MIPOL1: variants seen among roughly 807,000 people sequenced by gnomAD.
MIPOL1 encodes the protein mirror-image polydactyly gene 1 protein.
A neutral mutation model predicts 60.9 loss-of-function variants in MIPOL1; 57 were observed. The ratio of observed to expected loss-of-function variants is 0.94; its 90% confidence interval spans 0.76 to 1.17. The LOEUF (loss-of-function observed/expected upper bound fraction) is 1.17, where lower values mean the gene tolerates loss of function less well. MIPOL1 is among the 50% of genes most tolerant of loss of function. MIPOL1 has a pLI of 0.00. For synonymous variants in MIPOL1, 179 were observed against 168.8 expected (o/e 1.06, Z -0.47); for missense variants, 551 against 511.6 (o/e 1.08, Z -0.74).
chr14:37,222,430 T>C (rs1406619901), intron 1 of MIPOL1, among the ~76,000 whole-genome samples: 3 of 151,594 alleles, frequency 2.0e-5, no homozygotes, highest in African/African-American at 7.3e-5. Context: ...TATAGCTCTC[T>C]ATGTTGCCCA....
chr14:37,261,592 A>G (rs531309187), intron 3 of MIPOL1, among the ~76,000 whole-genome samples: 35 of 152,242 alleles, frequency 2.3e-4, no homozygotes, highest in South Asian at 1.0e-3. Flanking sequence ...AAGTTTGAAT[A>G]TGGTCCCAAG....
At chr14:37,352,274 T>C (rs2091462823) in intron 9 of MIPOL1, among the ~76,000 whole-genome samples, 1 of 15,090 alleles carries the variant, frequency 6.6e-5, no homozygotes, top group African/African-American at 2.1e-4. Flanking sequence ...ATCTCTGTTT[T>C]GGTACCAGTA....
intron 11 of MIPOL1, among the ~76,000 whole-genome samples, chr14:37,488,608 A>G (rs535106228): frequency 6.6e-6 from 1 of 151,976 alleles, no homozygotes; most frequent in Non-Finnish European, 1.5e-5. Flanking sequence ...TGCTTCGTAC[A>G]GGAGCTCTTG....
intron 10 of MIPOL1, among the ~76,000 whole-genome samples, chr14:37,387,976 G>A (rs1198554248): frequency 6.6e-6 from 1 of 151,856 alleles, no homozygotes; most frequent in Non-Finnish European, 1.5e-5. Flanking sequence ...AAGCAAAGAT[G>A]TGACTTAAAA....
At chr14:37,237,113 C>T (rs1971611565) in intron 1 of MIPOL1, among the ~76,000 whole-genome samples, 1 of 152,090 alleles carries the variant, frequency 6.6e-6, no homozygotes, top group South Asian at 2.1e-4. Context: ...CTTCCCCAGT[C>T]ATTTCTTGGC....
At chr14:37,326,697 G>C (rs2089195779) in intron 9 of MIPOL1, among the ~76,000 whole-genome samples, 1 of 152,138 alleles carries the variant, frequency 6.6e-6, no homozygotes, top group South Asian at 2.1e-4. Context: ...TTCCATGCCT[G>C]CTATCATGTT....
chr14:37,498,798 G>A (rs1054641265), intron 11 of MIPOL1, among the ~76,000 whole-genome samples: 3 of 151,944 alleles, frequency 2.0e-5, no homozygotes, highest in Admixed American at 6.6e-5. Flanking sequence ...TCTATGGGAC[G>A]CCTTCTCCAA....
At chr14:37,433,442 C>T (rs959064064) in intron 11 of MIPOL1, among the ~76,000 whole-genome samples, 2 of 152,108 alleles carry the variant, frequency 1.3e-5, no homozygotes, top group Non-Finnish European at 2.9e-5. Flanking sequence ...CATTGTTCAA[C>T]TTCCGCTTAT....
chr14:37,199,586 G>T (rs1964893644), intron 1 of MIPOL1, among the ~76,000 whole-genome samples: 1 of 151,700 alleles, frequency 6.6e-6, no homozygotes, highest in South Asian at 2.1e-4. Context: ...GTGCAGTGGC[G>T]CGATCTCGGC....
At chr14:37,327,225 A>G (rs559795944) in intron 9 of MIPOL1, among the ~76,000 whole-genome samples, 2 of 152,204 alleles carry the variant, frequency 1.3e-5, no homozygotes, top group African/African-American at 4.8e-5. Flanking sequence ...GAAGAAATCC[A>G]GGTAAGAAAA....
chr14:37,364,099 G>A (rs975221307), intron 9 of MIPOL1, among the ~76,000 whole-genome samples: 4 of 152,200 alleles, frequency 2.6e-5, no homozygotes, highest in African/African-American at 9.6e-5. Flanking sequence ...CCTGGGTGAG[G>A]TGACGCCCTG....
intron 1 of MIPOL1, among the ~76,000 whole-genome samples, chr14:37,211,679 A>C: frequency 6.6e-6 from 1 of 152,066 alleles, no homozygotes; most frequent in East Asian, 1.9e-4. Context: ...CTAGTGCTAA[A>C]CTAGGCCCAG....
chr14:37,258,178 A>C (rs1277252558), intron 3 of MIPOL1, among the ~76,000 whole-genome samples: 2 of 152,144 alleles, frequency 1.3e-5, no homozygotes, highest in Admixed American at 6.6e-5. Flanking sequence ...TTTGTTTTCC[A>C]AATCTAAATA....
chr14:37,302,546 T>G (rs1452519591), intron 7 of MIPOL1, among the ~76,000 whole-genome samples: 1 of 151,692 alleles, frequency 6.6e-6, no homozygotes, highest in Non-Finnish European at 1.5e-5. Context: ...CTAGTTGATG[T>G]CTTGTTTTTT....
chr14:37,432,198 G>A (rs561699619), intron 11 of MIPOL1, among the ~76,000 whole-genome samples: 15 of 152,190 alleles, frequency 9.9e-5, no homozygotes, highest in East Asian at 1.9e-4. Context: ...AATCTTGTCC[G>A]TTAGAAGTGA....
In MIPOL1 at chr14:37,238,968, T is replaced by C. The variant is rs529706518; in HGVS notation, c.-198-8135T>C. On this transcript the variant is annotated intron_variant, in intron 1 of 12. Transcript: ENST00000684589. Reference sequence around the variant, plus strand: ...ACCCAGTCTCAAAAAAAAAGTAATATATATATTTATTTTTTAATGAAAAAT... The same window carrying C: ...ACCCAGTCTCAAAAAAAAAGTAATACATATATTTATTTTTTAATGAAAAAT... Among the ~76,000 whole-genome samples, 3 of 151,264 alleles carry C rather than the reference T, an allele frequency of 2.0e-5. No homozygotes were observed. In the South Asian group the frequency reaches 6.3e-4, roughly 32 times the overall value.
intron 10 of MIPOL1, among the ~76,000 whole-genome samples, chr14:37,410,177 A>T (rs1180291490): frequency 6.6e-6 from 1 of 152,168 alleles, no homozygotes; most frequent in African/African-American, 2.4e-5. Flanking sequence ...CAACAATTAG[A>T]CTTGAAGATG....
intron 11 of MIPOL1, among the ~76,000 whole-genome samples, chr14:37,471,812 A>G (rs915601813): frequency 2.0e-5 from 3 of 152,062 alleles, no homozygotes; most frequent in Admixed American, 1.3e-4. Context: ...CTTCAAATTA[A>G]TACCTACTTT....
At chr14:37,531,625 G>C (rs965467290) in intron 12 of MIPOL1, among the ~76,000 whole-genome samples, 1 of 152,088 alleles carries the variant, frequency 6.6e-6, no homozygotes, top group African/African-American at 2.4e-5. Context: ...AGATAACTGC[G>C]TGTCACCCAA....
Sources: allele counts gnomAD v4.1 joint callset (sites outside exome capture counted in the v4.1 genomes callset), GRCh38; gene constraint gnomAD v4.1.1; transcripts MANE v1.5; gene names NCBI Gene and HGNC (gene_info 2026-07-23, HGNC 2026-07-21).